PTPRN2: variants seen among roughly 807,000 people sequenced by gnomAD.
PTPRN2 encodes protein tyrosine phosphatase receptor type N2, also known as receptor-type tyrosine-protein phosphatase N2.
In PTPRN2, 74 loss-of-function variants were observed where a neutral mutation model predicts 118.8. That is an observed-to-expected ratio of 0.62 (90% CI 0.52 to 0.76). The LOEUF (loss-of-function observed/expected upper bound fraction) is 0.76, where lower values mean the gene tolerates loss of function less well. Among genes scored for constraint, PTPRN2 ranks in the 30% least tolerant of loss-of-function variants. The probability of loss-of-function intolerance (pLI) is 0.00; values close to 1 mark genes in which losing one functional copy is unlikely to be tolerated. For synonymous variants in PTPRN2, 641 were observed against 608.0 expected (o/e 1.05, Z -0.80); for missense variants, 1,481 against 1,394.4 (o/e 1.06, Z -0.99).
Position 157,752,854 on chromosome 7 carries a change from C to A in PTPRN2, c.1789-69917G>T, listed in dbSNP as rs550539655. On this transcript the variant is annotated intron_variant, in intron 12 of 22. Coordinates refer to ENST00000389418, the MANE Select transcript of PTPRN2 (RefSeq NM_002847.5). Reference sequence around the variant, plus strand: ...CGAGGGCCGCCAAGACAAGGAACAGCCGTGGGACAGACCCTCGCAGCAGCC... The same window carrying A: ...CGAGGGCCGCCAAGACAAGGAACAGACGTGGGACAGACCCTCGCAGCAGCC... Among the ~76,000 whole-genome samples the A allele has an allele frequency of 3.0e-4, 46 of 152,382 alleles. 1 individual carries two copies. The highest frequency in any genetic ancestry group is 2.1e-3 in the South Asian group (10 of 4,832).
rs566974411 is a variant in PTPRN2 at position 158,358,815 on chromosome 7, G to A, written c.164-41883C>T. On this transcript the variant is annotated intron_variant, in intron 2 of 22. Coordinates refer to ENST00000389418, the MANE Select transcript of PTPRN2 (RefSeq NM_002847.5). ...GGGGAGGGGGAGTCAGCATTAATGC[G>A]CACAGAGGTTCTGTTTGGAATAGAA... Among the ~76,000 whole-genome samples the A allele has an allele frequency of 1.4e-4, 21 of 152,354 alleles. 1 individual carries two copies. In the East Asian group the frequency reaches 2.5e-3, roughly 18 times the overall value.
Position 158,356,406 on chromosome 7 carries a change from C to T in PTPRN2, c.164-39474G>A, listed in dbSNP as rs549132575. ...TCTGTTGACCTTGTGGGAACATTTG[C>T]TTCTTTTTCCTTCCCTATCACATTC... On this transcript the variant is annotated intron_variant, in intron 2 of 22. Coordinates refer to ENST00000389418, the MANE Select transcript of PTPRN2 (RefSeq NM_002847.5). Among the ~76,000 whole-genome samples, 9 of 152,318 alleles carry T rather than the reference C, an allele frequency of 5.9e-5. 1 individual carries two copies. In the South Asian group the frequency reaches 1.9e-3, roughly 32 times the overall value.
chr7:158,223,383 A>G (rs994186466), intron 3 of PTPRN2, among the ~76,000 whole-genome samples: 3 of 152,214 alleles, frequency 2.0e-5, no homozygotes, highest in Non-Finnish European at 4.4e-5. Flanking sequence ...AAACCTACAG[A>G]CCAAAATCCC....
At chr7:157,761,913 C>T (rs1802155071) in intron 12 of PTPRN2, among the ~76,000 whole-genome samples, 1 of 151,818 alleles carries the variant, frequency 6.6e-6, no homozygotes, top group Non-Finnish European at 1.5e-5. Context: ...AGAAAAAAAC[C>T]CCATCAAAAA....
rs187754532 is a variant in PTPRN2 at position 158,372,532 on chromosome 7, T to C, written c.164-55600A>G. On this transcript the variant is annotated intron_variant, in intron 2 of 22. Transcript: ENST00000389418. ...CTGGTACCCGGAGCTGGTCCCCCCA[T>C]GCTGGTCCCCAGAGCTGGTCTCCCC... Among the ~76,000 whole-genome samples, 823 of 136,298 alleles carry C rather than the reference T, an allele frequency of 6.0e-3. 6 individuals are homozygous for C. The highest frequency in any genetic ancestry group is 0.022 in the African/African-American group (782 of 35,644). 89.4% of individuals were successfully genotyped at this position (136,298 alleles called of 152,430 possible).
intron 12 of PTPRN2, among the ~76,000 whole-genome samples, chr7:157,850,299 A>G (rs1415344726): frequency 6.9e-6 from 1 of 145,954 alleles, no homozygotes; most frequent in African/African-American, 2.5e-5. Context: ...GGCTCGCGTA[A>G]GGGATCCCAG....
chr7:158,530,377 G>A (rs911770680), intron 1 of PTPRN2, among the ~76,000 whole-genome samples: 1 of 152,202 alleles, frequency 6.6e-6, no homozygotes, highest in Non-Finnish European at 1.5e-5. Flanking sequence ...GAGGGAAGGT[G>A]GCAATTTGCG....
intron 11 of PTPRN2, among the ~76,000 whole-genome samples, chr7:157,994,575 A>G (rs73745054): frequency 0.059 from 2,917 of 49,122 alleles, 71 homozygotes; most frequent in Middle Eastern, 0.21. Flanking sequence ...CCAGCTTACA[A>G]CTCCTTGTTC....
chr7:158,151,458 C>CTGCT (rs1821117928), intron 6 of PTPRN2, among the ~76,000 whole-genome samples: 20 of 61,548 alleles, frequency 3.2e-4, no homozygotes, highest in African/African-American at 1.3e-3. Context: ...CCTGCCCACA[C>CTGCT]CACCCGCCTT....
intron 9 of PTPRN2, among the ~76,000 whole-genome samples, chr7:158,123,366 C>T (rs1309786436): frequency 6.6e-6 from 1 of 152,204 alleles, no homozygotes. Flanking sequence ...CCACAGTATC[C>T]TACAGACACC....
intron 12 of PTPRN2, among the ~76,000 whole-genome samples, chr7:157,882,693 T>A (rs1251941999): frequency 6.9e-6 from 1 of 145,182 alleles, no homozygotes; most frequent in East Asian, 2.1e-4. Flanking sequence ...AAAATGACTG[T>A]CGGAGAACAG....
intron 9 of PTPRN2, among the ~76,000 whole-genome samples, chr7:158,112,046 C>T (rs925361388): frequency 4.6e-5 from 7 of 152,126 alleles, no homozygotes; most frequent in African/African-American, 1.7e-4. Context: ...GCAGCAGGGG[C>T]GAGGCTGGGA....
At chr7:157,896,904 G>A (rs1797162918) in intron 12 of PTPRN2, among the ~76,000 whole-genome samples, 1 of 152,096 alleles carries the variant, frequency 6.6e-6, no homozygotes, top group South Asian at 2.1e-4. Context: ...CCTCCCAGAT[G>A]AACCCCAGAG....
chr7:158,035,619 C>T (rs193276196), intron 11 of PTPRN2, among the ~76,000 whole-genome samples: 34 of 152,304 alleles, frequency 2.2e-4, no homozygotes, highest in African/African-American at 7.5e-4. Context: ...CACAGGCAGG[C>T]GGGCAGAAGA....
At chr7:158,036,370 G>A (rs775582289) in intron 11 of PTPRN2, among the ~76,000 whole-genome samples, 15 of 152,152 alleles carry the variant, frequency 9.9e-5, no homozygotes, top group Non-Finnish European at 2.1e-4. Context: ...AAAGCCAGGT[G>A]ACTTAAACAC....
chr7:158,492,733 A>G (rs1484563272), intron 1 of PTPRN2, among the ~76,000 whole-genome samples: 5 of 152,254 alleles, frequency 3.3e-5, no homozygotes, highest in Non-Finnish European at 7.3e-5. Flanking sequence ...AGCAAATTTC[A>G]TTTTAAGTAT....
At chr7:158,338,240 C>T (rs563164397) in intron 2 of PTPRN2, among the ~76,000 whole-genome samples, 1 of 71,960 alleles carries the variant, frequency 1.4e-5, no homozygotes, top group African/African-American at 7.2e-5. Flanking sequence ...AGCTGTCGTC[C>T]GGAGGCGTCA....
intron 13 of PTPRN2, among the ~76,000 whole-genome samples, chr7:157,669,206 G>A (rs1001461062): frequency 1.9e-4 from 29 of 152,186 alleles, no homozygotes; most frequent in Admixed American, 1.3e-4. Context: ...GCCCACGGCC[G>A]CCCCTGAATG....
chr7:158,165,367 A>C (rs1056026490), intron 6 of PTPRN2, among the ~76,000 whole-genome samples: 2 of 152,242 alleles, frequency 1.3e-5, no homozygotes, highest in African/African-American at 4.8e-5. Flanking sequence ...CGTAGCAAAC[A>C]GCACCATCAA....
Sources: gnomAD v4.1 joint callset for allele counts (sites outside exome capture counted in the v4.1 genomes callset) on GRCh38, gnomAD v4.1.1 for gene constraint, MANE v1.5 for transcripts, NCBI Gene and HGNC (gene_info 2026-07-23, HGNC 2026-07-21) for gene names.